Variants in ROBO1 observed in about 807,000 individuals in gnomAD.
ROBO1 encodes the protein roundabout guidance receptor 1, also known as roundabout homolog 1.
In ROBO1, 149 loss-of-function variants were observed where a neutral mutation model predicts 195.9. The ratio of observed to expected loss-of-function variants is 0.76; its 90% confidence interval spans 0.67 to 0.87. ROBO1 has a LOEUF of 0.87. ROBO1 is among the 40% of genes least tolerant of loss of function. The pLI is 0.00. For missense variants in ROBO1, 1,933 were observed against 2,068.3 expected (o/e 0.93, Z 1.27); for synonymous variants, 816 against 733.2 (o/e 1.11, Z -1.82).
At chr3:79,645,244 G>T (rs900756545) in intron 1 of ROBO1, among the ~76,000 whole-genome samples, 1 of 152,054 alleles carries the variant, frequency 6.6e-6, no homozygotes, top group African/African-American at 2.4e-5. Context: ...GCTCATGTCT[G>T]TAATCACACC....
At chr3:79,000,751 C>A (rs1480980381) in intron 3 of ROBO1, among the ~76,000 whole-genome samples, 1 of 152,132 alleles carries the variant, frequency 6.6e-6, no homozygotes, top group Admixed American at 6.6e-5. Context: ...TACCATTTGA[C>A]CCAGCCATCC....
rs571161389 is a variant in ROBO1, at chr3:78,851,000, T to A, written c.499+87601A>T. 8.6e-5 allele frequency among the ~76,000 whole-genome samples: 13 copies of A among 152,038 alleles called. No homozygotes were observed. In the East Asian group the frequency reaches 2.3e-3, roughly 27 times the overall value. ...TTTTGCATTTTTAGTAGAGACGGAG[T>A]TTCACTATGTTGGCCAGGCTGGTCT... On this transcript the variant is annotated intron_variant, in intron 4 of 30. Coordinates refer to ENST00000464233, the MANE Select transcript of ROBO1 (RefSeq NM_002941.4).
intron 24 of ROBO1, among the ~76,000 whole-genome samples, chr3:78,632,375 G>A (rs1354968578): frequency 6.6e-6 from 1 of 152,150 alleles, no homozygotes; most frequent in African/African-American, 2.4e-5. Context: ...GCTAGGGACA[G>A]GCTGTTATTA....
intron 1 of ROBO1, among the ~76,000 whole-genome samples, chr3:79,732,426 T>C (rs1703192931): frequency 6.6e-6 from 1 of 152,092 alleles, no homozygotes; most frequent in East Asian, 1.9e-4. Context: ...AGAATAGCTG[T>C]TCCTCAGTCA....
intron 1 of ROBO1, among the ~76,000 whole-genome samples, chr3:79,612,970 GTAC>G (rs936673907): frequency 3.1e-5 from 2 of 63,840 alleles, no homozygotes; most frequent in African/African-American, 1.2e-4. Context: ...AAATCATGTA[GTAC>G]TACACATTTT....
At chr3:79,660,448 C>T (rs1173458120) in intron 1 of ROBO1, among the ~76,000 whole-genome samples, 2 of 152,044 alleles carry the variant, frequency 1.3e-5, no homozygotes, top group African/African-American at 4.8e-5. Flanking sequence ...TGCGATCACT[C>T]CCAAGACACA....
At chr3:78,948,335 C>A (rs1405306633) in intron 3 of ROBO1, among the ~76,000 whole-genome samples, 1 of 152,166 alleles carries the variant, frequency 6.6e-6, no homozygotes, top group Non-Finnish European at 1.5e-5. Context: ...TGGGCTTCAT[C>A]CCTGGGATGC....
At chr3:78,605,426 G>C (rs1703410809) in intron 29 of ROBO1, among the ~76,000 whole-genome samples, 2 of 152,172 alleles carry the variant, frequency 1.3e-5, no homozygotes, top group Non-Finnish European at 2.9e-5. Context: ...TCAGTGACTT[G>C]AAATTGGCAA....
intron 1 of ROBO1, among the ~76,000 whole-genome samples, chr3:79,717,443 G>A (rs772177479): frequency 6.6e-6 from 1 of 151,884 alleles, no homozygotes; most frequent in African/African-American, 2.4e-5. Context: ...GAACAATCTT[G>A]GTGAGCCAGG....
At chr3:79,601,651 T>C (rs1272225206) in intron 1 of ROBO1, among the ~76,000 whole-genome samples, 1 of 151,946 alleles carries the variant, frequency 6.6e-6, no homozygotes, top group African/African-American at 2.4e-5. Context: ...ATAATACTCA[T>C]AAAGTCTATG....
intron 2 of ROBO1, among the ~76,000 whole-genome samples, chr3:79,485,792 A>G (rs2107414944): frequency 6.6e-6 from 1 of 151,698 alleles, no homozygotes; most frequent in Middle Eastern, 3.4e-3. Context: ...TTTAGTGCGT[A>G]GTCTTCTCTC....
At chr3:79,576,123 T>C (rs960019516) in intron 2 of ROBO1, among the ~76,000 whole-genome samples, 8 of 151,986 alleles carry the variant, frequency 5.3e-5, no homozygotes, top group African/African-American at 1.9e-4. Context: ...ATACATTGAA[T>C]AGTCTGCTGA....
Position 78,951,724 on chromosome 3 carries a change from T to C in ROBO1, c.173-12797A>G, listed in dbSNP as rs866399414. Among the ~76,000 whole-genome samples the C allele has an allele frequency of 5.3e-5, 8 of 151,994 alleles. No homozygotes were observed. In the South Asian group the frequency reaches 1.4e-3, roughly 28 times the overall value. On this transcript the variant is annotated intron_variant, in intron 3 of 30. Coordinates refer to ENST00000464233, the MANE Select transcript of ROBO1 (RefSeq NM_002941.4). ...TTGGAAGATAAAATATAAACATGAG[T>C]GACTGAAATATCTAAATATTTACAC... is the stretch of plus-strand genomic sequence containing the variant.
At chr3:79,701,075 TAG>T (rs1947609555) in intron 1 of ROBO1, among the ~76,000 whole-genome samples, 2 of 151,886 alleles carry the variant, frequency 1.3e-5, no homozygotes, top group African/African-American at 4.8e-5. Flanking sequence ...ATTTATCGAA[TAG>T]AGAGTCCTTT....
chr3:78,858,564 CA>C (rs554355096), intron 4 of ROBO1, among the ~76,000 whole-genome samples: 2,390 of 96,468 alleles, frequency 0.025, 63 homozygotes, highest in African/African-American at 0.072. Flanking sequence ...CCCTGTCTAC[CA>C]AAAAAAAAAA....
At chr3:79,042,417 C>T (rs111404337) in intron 3 of ROBO1, among the ~76,000 whole-genome samples, 3 of 152,112 alleles carry the variant, frequency 2.0e-5, no homozygotes, top group East Asian at 3.9e-4. Context: ...CGATGGCGGT[C>T]GCACAGCTGA....
chr3:79,406,558 T>TTGTG (rs1035447231), intron 2 of ROBO1, among the ~76,000 whole-genome samples: 1 of 151,398 alleles, frequency 6.6e-6, no homozygotes, highest in African/African-American at 2.4e-5. Context: ...AAGAGATGCA[T>TTGTG]TGTGTGTGTG....
intron 2 of ROBO1, among the ~76,000 whole-genome samples, chr3:79,532,229 A>G (rs1376175286): frequency 6.6e-6 from 1 of 152,188 alleles, no homozygotes; most frequent in Non-Finnish European, 1.5e-5. Context: ...ACATGAGGCT[A>G]TTTCAGTATC....
At chr3:78,671,910 G>A (rs551964878) in intron 10 of ROBO1, among the ~76,000 whole-genome samples, 10 of 151,984 alleles carry the variant, frequency 6.6e-5, no homozygotes, top group Non-Finnish European at 1.0e-4. Context: ...TTTATTTAGT[G>A]TCATCCACAC....
Sources: allele counts gnomAD v4.1 joint callset (sites outside exome capture counted in the v4.1 genomes callset), GRCh38; gene constraint gnomAD v4.1.1; transcripts MANE v1.5; gene names NCBI Gene and HGNC (gene_info 2026-07-23, HGNC 2026-07-21).